The following RAB10 variants were observed in gnomAD, a reference collection of about 807,000 sequenced individuals.
RAB10 encodes ras-related protein Rab-10.
Under a neutral mutation model 25.7 loss-of-function variants are expected in RAB10, and 5 were observed. That is an observed-to-expected ratio of 0.19 (90% CI 0.10 to 0.41). The LOEUF is 0.41. RAB10 is among the 10% of genes least tolerant of loss of function. RAB10 has a pLI of 1.00. For synonymous variants in RAB10, 89 were observed against 86.4 expected, an observed-to-expected ratio of 1.03 and a Z score of -0.16; for missense variants, 103 against 245.8, an observed-to-expected ratio of 0.42 and a Z score of 3.89.
intron 3 of RAB10, among the ~76,000 whole-genome samples, chr2:26,116,208 G>A (rs948328175): frequency 6.6e-6 from 1 of 152,016 alleles, no homozygotes. Flanking sequence ...TTTGAGATGG[G>A]TGTCTCACCA....
At chr2:26,033,998 C>T, upstream of RAB10, 1 of 398,416 alleles carries the variant, frequency 2.5e-6, no homozygotes, top group Non-Finnish European at 4.4e-6. Flanking sequence ...CACTTCGGCG[C>T]GCCCCCATGC....
At chr2:26,129,681 C>T (rs986231693) in intron 5 of RAB10, among the ~76,000 whole-genome samples, 5 of 152,124 alleles carry the variant, frequency 3.3e-5, no homozygotes, top group Non-Finnish European at 5.9e-5. Flanking sequence ...AAAAAACAGT[C>T]ATCAGTTATT....
At chr2:26,041,108 T>G (rs1665874513) in intron 1 of RAB10, among the ~76,000 whole-genome samples, 1 of 151,878 alleles carries the variant, frequency 6.6e-6, no homozygotes, top group South Asian at 2.1e-4. Flanking sequence ...CCATAAATAA[T>G]GAATGAAGGC....
intron 2 of RAB10, among the ~76,000 whole-genome samples, chr2:26,104,876 T>C (rs1293426836): frequency 1.4e-4 from 21 of 151,958 alleles, no homozygotes; most frequent in African/African-American, 5.1e-4. Context: ...TAGCTGGGAC[T>C]ACAGGTGCCC....
chr2:26,091,637 G>C (rs1667108864), intron 1 of RAB10, among the ~76,000 whole-genome samples: 1 of 152,060 alleles, frequency 6.6e-6, no homozygotes. Context: ...AAGCAGTTGG[G>C]TATCTTGGAT....
intron 1 of RAB10, among the ~76,000 whole-genome samples, chr2:26,036,531 C>T (rs1400465071): frequency 2.0e-5 from 3 of 151,878 alleles, no homozygotes; most frequent in East Asian, 3.9e-4. Flanking sequence ...TAGTGGCAGG[C>T]ACCTGTAGTC....
At chr2:26,121,300 A>AC (rs565816060) in intron 3 of RAB10, among the ~76,000 whole-genome samples, 1 of 151,718 alleles carries the variant, frequency 6.6e-6, no homozygotes, top group African/African-American at 2.4e-5. Context: ...ACCTTTGTCT[A>AC]CCCCCTTTTA....
chr2:26,070,663 G>A (rs754981167), intron 1 of RAB10, among the ~76,000 whole-genome samples: 75 of 152,234 alleles, frequency 4.9e-4, no homozygotes, highest in Non-Finnish European at 9.4e-4. Flanking sequence ...CATAGCGATG[G>A]AAAGCTTTGT....
At chr2:26,094,224 A>ATGTAT (rs1667163548) in intron 1 of RAB10, among the ~76,000 whole-genome samples, 1 of 53,148 alleles carries the variant, frequency 1.9e-5, no homozygotes, top group Non-Finnish European at 4.2e-5. Flanking sequence ...CCCTTATTTC[A>ATGTAT]TCCATTTCAT....
chr2:26,055,408 T>G (rs1666238331), intron 1 of RAB10, among the ~76,000 whole-genome samples: 2 of 150,898 alleles, frequency 1.3e-5, no homozygotes, highest in South Asian at 4.2e-4. Flanking sequence ...TTTTTTTTTT[T>G]GGAGATACTC....
chr2:26,124,389 CTTTTTTTTTTTTT>C lies in RAB10; in HGVS notation c.328-2739_328-2727del, dbSNP rs10669615. Among the ~76,000 whole-genome samples the C allele has an allele frequency of 5.1e-4, 10 of 19,678 alleles. No individual in the cohort carries two copies. In the South Asian group the frequency reaches 8.8e-3, roughly 17 times the overall value. The allele number at this position is 19,678 out of a possible 152,430, so 12.9% of individuals were successfully genotyped here. Reference sequence around the variant, plus strand: ...GTTGTTTTTCTTATTGTTGTTGTTGCTTTTTTTTTTTTTTTTTTTTTTTTTTTTGAGACAGGTT... The same window carrying C: ...GTTGTTTTTCTTATTGTTGTTGTTGCTTTTTTTTTTTTTTTGAGACAGGTT... On this transcript the variant is annotated intron_variant, in intron 3 of 5. Coordinates refer to ENST00000264710, the MANE Select transcript of RAB10 (RefSeq NM_016131.5).
At chr2:26,127,057 C>G in intron 3 of RAB10, 87 bp from the exon 4 acceptor site, 1 of 1,011,978 alleles carries the variant, frequency 9.9e-7, no homozygotes, top group Non-Finnish European at 1.5e-6. Context: ...AAATGACCCT[C>G]TAAATTGAGA....
chr2:26,124,149 T>C (rs1667857620), intron 3 of RAB10, among the ~76,000 whole-genome samples: 1 of 152,160 alleles, frequency 6.6e-6, no homozygotes, highest in Non-Finnish European at 1.5e-5. Context: ...AATATGTTAA[T>C]CGACTGTTAC....
rs183318341 is a variant in RAB10, at chr2:26,068,387, G to A, written c.128-30275G>A. Among the ~76,000 whole-genome samples the A allele has an allele frequency of 3.0e-3, 450 of 152,150 alleles. 3 individuals are homozygous for A. Among genetic ancestry groups the A allele is most frequent in the African/African-American group, 9.3e-3 (388 of 41,522 alleles). On this transcript the variant is annotated intron_variant, in intron 1 of 5. Transcript: ENST00000264710. ...TGGTTAGATTCAATTTTTAAAAGAT[G>A]GTTGGCCCAGAAAATGTGGAAAATG... is the stretch of plus-strand genomic sequence containing the variant.
At chr2:26,061,355 G>A (rs1375870713) in intron 1 of RAB10, among the ~76,000 whole-genome samples, 5 of 151,736 alleles carry the variant, frequency 3.3e-5, no homozygotes, top group Admixed American at 2.0e-4. Context: ...GAGCTCAATT[G>A]ATTTGCCCAC....
chr2:26,078,608 AAGAGGGGAG>A (rs1385583538), intron 1 of RAB10, among the ~76,000 whole-genome samples: 2 of 152,138 alleles, frequency 1.3e-5, no homozygotes, highest in African/African-American at 2.4e-5. Flanking sequence ...AGTCTAGGAA[AAGAGGGGAG>A]GGGTTGCGGA....
intron 1 of RAB10, among the ~76,000 whole-genome samples, chr2:26,062,037 G>T (rs1666410769): frequency 6.6e-6 from 1 of 151,974 alleles, no homozygotes; most frequent in East Asian, 1.9e-4. Flanking sequence ...GTGGAGTTGG[G>T]GTTTCTGTAT....
At position 26,097,710 on chromosome 2, in the gene RAB10, A is replaced by G. The variant is rs555444371; in HGVS notation, c.128-952A>G. 9.8e-5 allele frequency among the ~76,000 whole-genome samples: 15 copies of G among 152,318 alleles called. No individual in the cohort carries two copies. The South Asian group carries it at 1.4e-3, about 15-fold the overall frequency. On this transcript the variant is annotated intron_variant, in intron 1 of 5. Coordinates refer to ENST00000264710, the MANE Select transcript of RAB10 (RefSeq NM_016131.5). ...ATGGAGATTTCTGTATATGTCAGTT[A>G]TGTCAAATTGGTTAATATAGTGTGG...
intron 1 of RAB10, among the ~76,000 whole-genome samples, chr2:26,093,267 C>A (rs1050862832): frequency 6.6e-6 from 1 of 151,968 alleles, no homozygotes; most frequent in Non-Finnish European, 1.5e-5. Context: ...TTTTTTCTTC[C>A]GTGGATCCCC....
Sources: gnomAD v4.1 joint callset for allele counts (sites outside exome capture counted in the v4.1 genomes callset) on GRCh38, gnomAD v4.1.1 for gene constraint, MANE v1.5 for transcripts, NCBI Gene and HGNC (gene_info 2026-07-23, HGNC 2026-07-21) for gene names.